Variants in CSPP1 observed in about 807,000 individuals in gnomAD.
CSPP1 encodes centrosome and spindle pole-associated protein 1.
In CSPP1, 126 loss-of-function variants were observed where a neutral mutation model predicts 164.4. That is an observed-to-expected ratio of 0.77 (90% CI 0.66 to 0.89). CSPP1 has a LOEUF of 0.89. CSPP1 is among the 40% of genes least tolerant of loss of function. The pLI is 0.00. For missense variants in CSPP1, 1,395 were observed against 1,449.8 expected, an observed-to-expected ratio of 0.96 and a Z score of 0.61; for synonymous variants, 472 against 476.7, an observed-to-expected ratio of 0.99 and a Z score of 0.13.
At chr8:67,181,026 A>C (rs1206813476) in intron 28 of CSPP1, among the ~76,000 whole-genome samples, 1 of 151,548 alleles carries the variant, frequency 6.6e-6, no homozygotes, top group Non-Finnish European at 1.5e-5. Flanking sequence ...TTTTTCTCTT[A>C]ATGGTTTTTT....
chr8:67,187,153 TC>T (rs1834899604), intron 28 of CSPP1, among the ~76,000 whole-genome samples: 1 of 152,174 alleles, frequency 6.6e-6, no homozygotes, highest in Non-Finnish European at 1.5e-5. Flanking sequence ...CTCAACTTGA[TC>T]TATAGATTCA....
chr8:67,182,941 GTTGA>G (rs1177164714), intron 28 of CSPP1, among the ~76,000 whole-genome samples: 4 of 152,168 alleles, frequency 2.6e-5, no homozygotes, highest in South Asian at 2.1e-4. Flanking sequence ...TTTTCACTGT[GTTGA>G]TTGTGTCCTT....
In CSPP1 at chr8:67,159,114, A is replaced by C. The variant is rs1827219381; in HGVS notation, c.2515A>C (p.Asn839His). The C allele has an allele frequency of 6.2e-7, 1 of 1,600,458 alleles. No homozygotes were observed. Among genetic ancestry groups the C allele is most frequent in the Non-Finnish European group, 8.5e-7 (1 of 1,176,720 alleles). ...LQLQHYCERD[N>H]LIGEETKHMR... The stretch of plus-strand genomic sequence containing the variant: ...ACTTCAGCACTACTGTGAAAGAGAC[A>C]ATTTGATTGGGGAAGAAACAAAGGT... The change falls in exon 21 of 31, where the codon AAT (asparagine) becomes CAT (histidine). Residue 839 changes from asparagine to histidine, a missense_variant. Coordinates refer to ENST00000678616, the MANE Select transcript of CSPP1 (RefSeq NM_001382391.1).
At chr8:67,179,812 T>C in intron 27 of CSPP1, 51 bp from the exon 28 acceptor site, 1 of 1,310,752 alleles carries the variant, frequency 7.6e-7, no homozygotes, top group Non-Finnish European at 1.1e-6. Context: ...AAATTTGTTG[T>C]TTTTGTACAC....
intron 24 of CSPP1, 99 bp from the exon 25 acceptor site, chr8:67,172,305 TTTAATAATATGA>T: frequency 1.3e-6 from 1 of 787,758 alleles, no homozygotes; most frequent in East Asian, 2.5e-5. Context: ...AGAGTAATTT[TTTAATAATATGA>T]TGTGGTGAAA....
intron 9 of CSPP1, among the ~76,000 whole-genome samples, chr8:67,108,600 T>G (rs72654945): frequency 0.051 from 7,744 of 152,268 alleles, 260 homozygotes; most frequent in Non-Finnish European, 0.073. Context: ...CAGCAAGACC[T>G]TCATGTCCTT....
At chr8:67,154,520 C>A (rs1379911950) in intron 19 of CSPP1, among the ~76,000 whole-genome samples, 2 of 152,122 alleles carry the variant, frequency 1.3e-5, no homozygotes, top group African/African-American at 2.4e-5. Flanking sequence ...GTGCCTGCCA[C>A]CACGCCCGGC....
intron 17 of CSPP1, among the ~76,000 whole-genome samples, chr8:67,147,583 A>G (rs1824846279): frequency 6.6e-6 from 1 of 152,148 alleles, no homozygotes. Flanking sequence ...CACATTGTCA[A>G]CAAAAAGCCT....
intron 21 of CSPP1, among the ~76,000 whole-genome samples, chr8:67,159,893 TTTCTTTC>T (rs1270623751): frequency 6.0e-5 from 4 of 66,856 alleles, no homozygotes; most frequent in African/African-American, 3.1e-4. Context: ...TCTTTCTTTC[TTTCTTTC>T]TTTCTTTCTT....
intron 9 of CSPP1, among the ~76,000 whole-genome samples, chr8:67,107,182 G>A (rs1815746464): frequency 6.6e-6 from 1 of 151,992 alleles, no homozygotes; most frequent in Admixed American, 6.5e-5. Context: ...TGAGTAGTTG[G>A]AATTACAGGC....
intron 24 of CSPP1, among the ~76,000 whole-genome samples, chr8:67,166,633 T>G (rs1829355852): frequency 6.6e-6 from 1 of 152,196 alleles, no homozygotes; most frequent in Non-Finnish European, 1.5e-5. Context: ...TGAGAGGTAG[T>G]GTTTTTTTTC....
At chr8:67,194,941 T>C (rs992169303) in intron 30 of CSPP1, among the ~76,000 whole-genome samples, 9 of 152,162 alleles carry the variant, frequency 5.9e-5, no homozygotes, top group Non-Finnish European at 1.2e-4. Flanking sequence ...TATAGCAGTG[T>C]TGTAGGTTGA....
At chr8:67,111,703 A>G (rs572691885) in intron 9 of CSPP1, among the ~76,000 whole-genome samples, 1 of 152,308 alleles carries the variant, frequency 6.6e-6, no homozygotes, top group African/African-American at 2.4e-5. Flanking sequence ...TGGGGTTGGG[A>G]TAAGAACATT....
In CSPP1 at chr8:67,105,976, G is replaced by A; in HGVS notation, c.1093+1G>A. ...AGTCCTTTTGCAGGGATGCTCTTTG[G>A]TAGGCACAAAACTTCCAACTAGTTG... On this transcript the variant is annotated splice_donor_variant, in intron 9 of 30. Coordinates refer to ENST00000678616, the MANE Select transcript of CSPP1 (RefSeq NM_001382391.1). LOFTEE classifies it high-confidence loss of function. 1 of 1,551,612 alleles carries A rather than the reference G, an allele frequency of 6.4e-7. No homozygotes were observed. The highest frequency in any genetic ancestry group is 1.7e-5 in the Admixed American group (1 of 59,902).
At position 67,159,920 on chromosome 8, in the gene CSPP1, CTTT is replaced by C. The variant is rs1827703951; in HGVS notation, c.2538+784_2538+786del. Among the ~76,000 whole-genome samples, 29 of 51,292 alleles carry C rather than the reference CTTT, an allele frequency of 5.7e-4. 2 individuals are homozygous for C. Among genetic ancestry groups the C allele is most frequent in the Admixed American group, 2.6e-3 (11 of 4,186 alleles). The allele number at this position is 51,292 out of a possible 152,430, so 33.6% of individuals were successfully genotyped here. On this transcript the variant is annotated intron_variant, in intron 21 of 30. Transcript: ENST00000678616. ...TCTTTCTTTCTTTCTTTCTTTCTTT[CTTT>C]CCTTTCCTTCCTTCCTTCCTTCCTT...
rs750696284 is a variant in CSPP1, at chr8:67,093,587, CAG to C, written c.430_431del (p.Arg144GlyfsTer2). The C allele has an allele frequency of 1.3e-5, 21 of 1,612,478 alleles. No homozygotes were observed. Among genetic ancestry groups the C allele is most frequent in the Admixed American group, 6.7e-5 (4 of 59,954 alleles). Reference protein sequence around the residue: ...ERNKEYNQFLRGKEESSEKFR... With the variant: ...ERNKEYNQFLXGKEESSEKFR... ...GTAACAAAGAATACAATCAGTTTCT[CAG>C]GGGTAAGGAAGAATCCAGTGAAAAG... On this transcript the variant is annotated frameshift_variant, in exon 6 of 31. Coordinates refer to ENST00000678616, the MANE Select transcript of CSPP1 (RefSeq NM_001382391.1). LOFTEE classifies it high-confidence loss of function.
intron 21 of CSPP1, 136 bp downstream of exon 21, chr8:67,159,273 G>A: frequency 3.7e-6 from 3 of 813,590 alleles, no homozygotes; most frequent in Non-Finnish European, 5.9e-6. Context: ...TTTAGTCTGG[G>A]CACAATGTAC....
chr8:67,150,593 G>A (rs1452748232), intron 18 of CSPP1, among the ~76,000 whole-genome samples: 2 of 152,040 alleles, frequency 1.3e-5, no homozygotes, highest in African/African-American at 2.4e-5. Context: ...TAGTAGGTAT[G>A]GGGTTTCACC....
chr8:67,099,220 G>A (rs1272707214), intron 7 of CSPP1: 1 of 151,240 alleles, frequency 6.6e-6, no homozygotes, highest in Non-Finnish European at 1.5e-5. Flanking sequence ...TATGAGTTCT[G>A]TCCCTTTGTG....
Sources: allele counts gnomAD v4.1 joint callset (sites outside exome capture counted in the v4.1 genomes callset), GRCh38; gene constraint gnomAD v4.1.1; transcripts MANE v1.5; gene names NCBI Gene and HGNC (gene_info 2026-07-23, HGNC 2026-07-21).